DPYD: variants seen among roughly 807,000 people sequenced by gnomAD.
DPYD encodes the protein dihydropyrimidine dehydrogenase [NADP(+)].
Under a neutral mutation model 116.2 loss-of-function variants are expected in DPYD, and 109 were observed. That is an observed-to-expected ratio of 0.94 (90% CI 0.80 to 1.10). DPYD has a LOEUF of 1.10. DPYD is among the 50% of genes least tolerant of loss of function. The probability of loss-of-function intolerance (pLI) is 0.00; values close to 1 mark genes in which losing one functional copy is unlikely to be tolerated. For synonymous variants in DPYD, 440 were observed against 432.0 expected (o/e 1.02, Z -0.23); for missense variants, 1,302 against 1,254.5 (o/e 1.04, Z -0.57).
intron 3 of DPYD, among the ~76,000 whole-genome samples, chr1:97,813,993 G>T (rs778695145): frequency 2.4e-4 from 36 of 151,594 alleles, no homozygotes; most frequent in Non-Finnish European, 3.4e-4. Flanking sequence ...TTCTGCAAGA[G>T]GAATGAGTCT....
chr1:97,440,667 G>A (rs894797050), intron 14 of DPYD, among the ~76,000 whole-genome samples: 38 of 152,078 alleles, frequency 2.5e-4, no homozygotes, highest in Non-Finnish European at 5.3e-4. Context: ...TACTATAGTT[G>A]TACATTTAGC....
intron 5 of DPYD, among the ~76,000 whole-genome samples, chr1:97,717,114 G>A (rs1662657948): frequency 6.6e-6 from 1 of 151,752 alleles, no homozygotes; most frequent in Non-Finnish European, 1.5e-5. Context: ...ATAGTTAATG[G>A]GTATGAAAAT....
chr1:97,309,331 T>TGTGTG (rs1667350237), intron 16 of DPYD, among the ~76,000 whole-genome samples: 1 of 147,558 alleles, frequency 6.8e-6, no homozygotes, highest in Non-Finnish European at 1.5e-5. Flanking sequence ...GTTGCTTGTC[T>TGTGTG]TGTGTGTGTG....
chr1:97,700,600 T>C (rs761912029), intron 5 of DPYD, among the ~76,000 whole-genome samples: 48 of 152,038 alleles, frequency 3.2e-4, no homozygotes, highest in Non-Finnish European at 5.7e-4. Flanking sequence ...TAGAATGCAC[T>C]TTCTGTGAAT....
At chr1:97,539,263 T>C (rs1650246782) in intron 12 of DPYD, among the ~76,000 whole-genome samples, 1 of 152,102 alleles carries the variant, frequency 6.6e-6, no homozygotes, top group African/African-American at 2.4e-5. Context: ...TCAAATTTTT[T>C]TTAAATTTAA....
At chr1:97,383,500 A>G (rs544679885) in intron 14 of DPYD, among the ~76,000 whole-genome samples, 24 of 152,102 alleles carry the variant, frequency 1.6e-4, no homozygotes, top group Non-Finnish European at 3.1e-4. Flanking sequence ...AAAAAAAGAA[A>G]AAAAGAAAAG....
chr1:97,668,144 G>A (rs192769751), intron 8 of DPYD, among the ~76,000 whole-genome samples: 70 of 152,086 alleles, frequency 4.6e-4, no homozygotes, highest in African/African-American at 1.6e-3. Context: ...AGATGATGAA[G>A]GTGGTATATT....
At chr1:97,298,120 A>G (rs1012604453) in intron 18 of DPYD, among the ~76,000 whole-genome samples, 1 of 152,142 alleles carries the variant, frequency 6.6e-6, no homozygotes. Flanking sequence ...CTCTAATTTT[A>G]CCATTGCTTA....
rs1421512849 is a variant in DPYD, at chr1:97,230,619, T to C, written c.2442+4233A>G. 5.9e-5 allele frequency among the ~76,000 whole-genome samples: 9 copies of C among 152,224 alleles called. No individual in the cohort carries two copies. In the East Asian group the frequency reaches 1.7e-3, roughly 29 times the overall value. On this transcript the variant is annotated intron_variant, in intron 19 of 22. Transcript: ENST00000370192. Reference sequence around the variant, plus strand: ...ATGTAGCAAACCTGCACACGTACCCTGAACTTAAAATAAAAGTTTAAAAAA... The same window carrying C: ...ATGTAGCAAACCTGCACACGTACCCCGAACTTAAAATAAAAGTTTAAAAAA...
intron 8 of DPYD, among the ~76,000 whole-genome samples, chr1:97,669,859 T>C (rs1281653277): frequency 6.6e-6 from 1 of 152,268 alleles, no homozygotes; most frequent in East Asian, 1.9e-4. Context: ...ATCCCTGCCA[T>C]TTCCATGCCA....
chr1:97,601,617 C>G (rs1359007772), intron 8 of DPYD, among the ~76,000 whole-genome samples: 1 of 151,948 alleles, frequency 6.6e-6, no homozygotes, highest in Admixed American at 6.6e-5. Context: ...TAAAGTGTTT[C>G]ATCTGTCACT....
chr1:97,085,212 T>A (rs1286056007), intron 21 of DPYD, among the ~76,000 whole-genome samples: 1 of 152,204 alleles, frequency 6.6e-6, no homozygotes, highest in Non-Finnish European at 1.5e-5. Context: ...CTGAATCAGA[T>A]AATGGTGACT....
chr1:97,296,108 C>T (rs1248628956), intron 18 of DPYD: 1 of 152,090 alleles, frequency 6.6e-6, no homozygotes, highest in African/African-American at 2.4e-5. Context: ...TCAAATATTA[C>T]AATAACATAT....
intron 13 of DPYD, among the ~76,000 whole-genome samples, chr1:97,485,269 T>C (rs1678563543): frequency 6.6e-6 from 1 of 152,168 alleles, no homozygotes; most frequent in Non-Finnish European, 1.5e-5. Flanking sequence ...ACAATCAATC[T>C]TGGCTCACTG....
intron 19 of DPYD, among the ~76,000 whole-genome samples, chr1:97,229,360 C>G (rs1349245093): frequency 6.7e-6 from 1 of 149,524 alleles, no homozygotes; most frequent in Non-Finnish European, 1.5e-5. Flanking sequence ...ATTAATTTCT[C>G]TAATAATATT....
At chr1:97,583,606 T>C (rs2102219266) in intron 10 of DPYD, among the ~76,000 whole-genome samples, 1 of 151,874 alleles carries the variant, frequency 6.6e-6, no homozygotes, top group East Asian at 1.9e-4. Flanking sequence ...TTCTAGTAAT[T>C]TTTATTATTT....
At chr1:97,380,126 C>G (rs192434458) in intron 15 of DPYD, among the ~76,000 whole-genome samples, 2 of 152,140 alleles carry the variant, frequency 1.3e-5, no homozygotes, top group Admixed American at 1.3e-4. Context: ...GATTCAAGAT[C>G]GACTACACTG....
At chr1:97,651,785 A>C (rs565506816) in intron 8 of DPYD, among the ~76,000 whole-genome samples, 3 of 152,320 alleles carry the variant, frequency 2.0e-5, no homozygotes, top group Admixed American at 2.0e-4. Context: ...AGGCATTTAA[A>C]ATTAGGTACA....
chr1:97,120,631 T>A (rs139916724), intron 20 of DPYD, among the ~76,000 whole-genome samples: 19 of 152,302 alleles, frequency 1.2e-4, no homozygotes, highest in Non-Finnish European at 2.2e-4. Flanking sequence ...ACAGCCAATT[T>A]GTGTCAATAG....
Sources: gnomAD v4.1 joint callset for allele counts (sites outside exome capture counted in the v4.1 genomes callset) on GRCh38, gnomAD v4.1.1 for gene constraint, MANE v1.5 for transcripts, NCBI Gene and HGNC (gene_info 2026-07-23, HGNC 2026-07-21) for gene names.